PLCB3: variants seen among roughly 807,000 people sequenced by gnomAD.
The protein encoded by PLCB3 is phospholipase C beta 3.
PLCB3 carries 54 observed loss-of-function variants against 152.1 expected under a neutral mutation model. The observed-to-expected ratio is 0.36, with a 90% CI of 0.29 to 0.45. PLCB3 has a LOEUF of 0.45. Among genes scored for constraint, PLCB3 ranks in the 20% least tolerant of loss-of-function variants. PLCB3 has a pLI of 1.00. For synonymous variants in PLCB3, 717 were observed against 698.7 expected, an observed-to-expected ratio of 1.03 and a Z score of -0.41; for missense variants, 1,248 against 1,687.5, an observed-to-expected ratio of 0.74 and a Z score of 4.56.
rs772626853 is a variant in PLCB3, at chr11:64,261,958, C to G, written c.1920C>G (p.Asn640Lys). ...TKSPMEFVEYNKQQLSRIYPK... is the reference protein window; with the variant it reads ...TKSPMEFVEYKKQQLSRIYPK... ...CCCTGACCACCAATCTCAGATACAA[C>G]AAGCAGCAGCTCAGCCGCATCTACC... The change falls in exon 17 of 31, where the codon AAC (asparagine) becomes AAG (lysine). Residue 640 changes from asparagine to lysine, a missense_variant. This residue lies in a region of PLCB3 where 244 missense variants were observed against 424.4 expected (regional missense o/e 0.57). Coordinates refer to ENST00000279230, the MANE Select transcript of PLCB3 (RefSeq NM_000932.5). The G allele has an allele frequency of 6.2e-7, 1 of 1,614,020 alleles. No individual in the cohort carries two copies. Among genetic ancestry groups the G allele is most frequent in the Non-Finnish European group, 8.5e-7 (1 of 1,180,006 alleles).
At position 64,258,511 on chromosome 11, in the gene PLCB3, C is replaced by T. The variant is rs748890795; in HGVS notation, c.1051C>T (p.Arg351Cys). 6.2e-7 allele frequency: 1 copy of T among 1,613,660 alleles called. No individual in the cohort carries two copies. Among genetic ancestry groups the T allele is most frequent in the East Asian group, 2.2e-5 (1 of 44,880 alleles). The change falls in exon 11 of 31, where the codon CGC becomes TGC. Residue 351 changes from arginine to cysteine, a missense_variant. Arg to Cys is a radical substitution (Grantham distance 180). Transcript: ENST00000279230. The surrounding 1 kb of genome is among the most constrained non-coding windows in gnomAD (Gnocchi z 7.2). ...TGGGACCTCGTCGGTGGAGATGTAC[C>T]GCCAGGCACTACTATGGGGCTGCCG... ...LAGTSSVEMYRQALLWGCRCV... is the reference protein window; with the variant it reads ...LAGTSSVEMYCQALLWGCRCV...
chr11:64,263,662 A>T, intron 20 of PLCB3, 29 bp from the exon 21 acceptor site: 4 of 1,591,470 alleles, frequency 2.5e-6, no homozygotes, highest in Non-Finnish European at 3.4e-6. Flanking sequence ...CTGGCCCAGC[A>T]ACCCAACGTT....
intron 8 of PLCB3, among the ~76,000 whole-genome samples, chr11:64,256,094 TGAGGTCTGGAAGC>T (rs1278356215): frequency 6.6e-6 from 1 of 152,066 alleles, no homozygotes; most frequent in African/African-American, 2.4e-5. Flanking sequence ...AGGTGTGTTG[TGAGGTCTGGAAGC>T]GAGGGGTGGT....
At chr11:64,257,038 C>T (rs905976897) in intron 10 of PLCB3, among the ~76,000 whole-genome samples, 5 of 89,618 alleles carry the variant, frequency 5.6e-5, no homozygotes, top group Non-Finnish European at 1.1e-4. Context: ...GAGTTTCGCT[C>T]TTGTTGCCCA....
Position 64,265,069 on chromosome 11 carries a change from C to G in PLCB3, c.2771C>G (p.Thr924Ser). Residue 924 changes from threonine to serine, a missense_variant, in exon 23 of 31, where the codon ACC (threonine) becomes AGC (serine). Around this residue, in one of 6 missense-constraint regions of PLCB3, gnomAD observed 477 missense variants for 489.6 expected, o/e 0.97. Coordinates refer to ENST00000279230, the MANE Select transcript of PLCB3 (RefSeq NM_000932.5). ...DASPRRPPGP[T>S]TSPASTSLSS... ...TCCCCCCGCCGGCCCCCTGGCCCCA[C>G]CACCTCCCCTGCCAGCACCTCCCTC... 6.5e-7 allele frequency: 1 copy of G among 1,543,136 alleles called. No homozygotes were observed. The highest frequency in any genetic ancestry group is 2.2e-4 in the Middle Eastern group (1 of 4,596).
chr11:64,254,561 G>GCA, intron 2 of PLCB3, 69 bp downstream of exon 2: 1 of 1,495,988 alleles, frequency 6.7e-7, no homozygotes, highest in Non-Finnish European at 9.3e-7. Flanking sequence ...CCCTGCCCGT[G>GCA]GGGGTGGGGC....
chr11:64,257,332 G>A (rs1271803967), intron 10 of PLCB3, among the ~76,000 whole-genome samples: 1 of 152,070 alleles, frequency 6.6e-6, no homozygotes, highest in Non-Finnish European at 1.5e-5. Flanking sequence ...GGCTGGAAGG[G>A]GGTTGGGTGC....
At position 64,263,608 on chromosome 11, in the gene PLCB3, G is replaced by A. The variant is rs1432813834; in HGVS notation, c.2455+11G>A. ...CTGCCATCCGCTCCGGTGAGGCCTT[G>A]GTGGGCTCTGGGCAGCACAGCGGGC... On this transcript the variant is annotated intron_variant, in intron 20 of 30. Coordinates refer to ENST00000279230, the MANE Select transcript of PLCB3 (RefSeq NM_000932.5). 15 of 1,608,984 alleles carry A rather than the reference G, an allele frequency of 9.3e-6. No homozygotes were observed. Among genetic ancestry groups the A allele is most frequent in the Non-Finnish European group, 1.2e-5 (14 of 1,176,448 alleles).
At chr11:64,252,083 C>T (rs2135033598) in intron 1 of PLCB3, among the ~76,000 whole-genome samples, 1 of 152,252 alleles carries the variant, frequency 6.6e-6, no homozygotes, top group East Asian at 1.9e-4. Flanking sequence ...GTGCCCAGAC[C>T]CCTGCCCAGC....
rs1471250079 is a variant in PLCB3 at position 64,256,422 on chromosome 11, TTCA to T, written c.749_751del (p.Ile250del). On this transcript the variant is annotated inframe_deletion, in exon 9 of 31. Coordinates refer to ENST00000279230, the MANE Select transcript of PLCB3 (RefSeq NM_000932.5). ...CCTGACGCTGGAGCAGCTCATGGACTTCATCAACCAGAAGCAACGCGACCCGAG... is the reference window on the plus strand; with the variant it reads ...CCTGACGCTGGAGCAGCTCATGGACTTCAACCAGAAGCAACGCGACCCGAG... 1 of 1,613,736 alleles carries T rather than the reference TTCA, an allele frequency of 6.2e-7. No individual in the cohort carries two copies. The highest frequency in any genetic ancestry group is 8.5e-7 in the Non-Finnish European group (1 of 1,180,022).
Position 64,267,454 on chromosome 11 carries a change from C to CG in PLCB3, c.3606dup (p.Pro1203AlafsTer22). 6.4e-7 allele frequency: 1 copy of CG among 1,554,864 alleles called. No individual in the cohort carries two copies. On this transcript the variant is annotated frameshift_variant, in exon 31 of 31. Coordinates refer to ENST00000279230, the MANE Select transcript of PLCB3 (RefSeq NM_000932.5). LOFTEE classifies it high-confidence loss of function. The surrounding 1 kb of genome is among the most constrained non-coding windows in gnomAD (Gnocchi z 5.2). ...GCGAGATGCCGGAGGGGCTGGGGGA[C>CG]GGGCCTCTGGTGGCCTGTGCCAGCA...
chr11:64,259,619 T>G (rs2031737773), intron 13 of PLCB3, among the ~76,000 whole-genome samples: 1 of 151,970 alleles, frequency 6.6e-6, no homozygotes, highest in African/African-American at 2.4e-5. Context: ...TGGTTATCAT[T>G]TCAGCTGACC....
intron 17 of PLCB3, 61 bp downstream of exon 17, chr11:64,262,137 G>A (rs778485775): frequency 3.4e-5 from 55 of 1,603,564 alleles, no homozygotes; most frequent in Non-Finnish European, 4.3e-5. Context: ...TCTGACCCAC[G>A]ATCCTGCTGG....
chr11:64,262,351 C>T (rs1214012497), intron 17 of PLCB3, 56 bp from the exon 18 acceptor site: 3 of 1,588,104 alleles, frequency 1.9e-6, no homozygotes, highest in Admixed American at 1.7e-5. Context: ...CCATTCCCCA[C>T]ATGGCACCGT....
At position 64,259,164 on chromosome 11, in the gene PLCB3, G is replaced by T. The variant is rs1400270568; in HGVS notation, c.1445G>T (p.Gly482Val). Residue 482 changes from glycine to valine, a missense_variant, in exon 13 of 31, where the codon GGG (glycine) becomes GTG (valine). Transcript: ENST00000279230. ...RPSAGGPDSAGRKRPLEQSNS... is the reference protein window; with the variant it reads ...RPSAGGPDSAVRKRPLEQSNS... ...AGCGCAGGTGGCCCAGACAGCGCCG[G>T]GCGCAAGCGGCCCCTGGAGCAGAGC... The T allele has an allele frequency of 1.2e-6, 2 of 1,605,358 alleles. No homozygotes were observed. Among genetic ancestry groups the T allele is most frequent in the Non-Finnish European group, 1.7e-6 (2 of 1,176,536 alleles).
chr11:64,267,611 A>T lies in PLCB3; in HGVS notation c.*55A>T. 9.8e-5 allele frequency: 103 copies of T among 1,046,896 alleles called. No individual in the cohort carries two copies. The highest frequency in any genetic ancestry group is 1.4e-4 in the Non-Finnish European group (99 of 726,418). 64.9% of individuals were successfully genotyped at this position (1,046,896 alleles called of 1,614,324 possible). A position where few individuals can be genotyped will look rare whatever the true frequency, so the allele number is the denominator to read the frequency against. On this transcript the variant is annotated 3_prime_UTR_variant, in exon 31 of 31. Coordinates refer to ENST00000279230, the MANE Select transcript of PLCB3 (RefSeq NM_000932.5). The surrounding 1 kb of genome is among the most constrained non-coding windows in gnomAD (Gnocchi z 5.2). ...GGGCGGGCGCTGGGTGGAGGGCAGG[A>T]GGCAATGACACTAATGCTTTTTTTT...
chr11:64,253,860 C>A (rs555308689), intron 1 of PLCB3, among the ~76,000 whole-genome samples: 2 of 152,284 alleles, frequency 1.3e-5, no homozygotes, highest in East Asian at 3.9e-4. Flanking sequence ...GCTGTGAGGA[C>A]CCCGGCAGAT....
chr11:64,257,016 T>TTTG (rs1555061405), intron 10 of PLCB3, among the ~76,000 whole-genome samples: 1 of 120,688 alleles, frequency 8.3e-6, no homozygotes, highest in Non-Finnish European at 1.8e-5. Flanking sequence ...TTTTTTTTTT[T>TTTG]TTTTTGAGAC....
intron 2 of PLCB3, 101 bp from the exon 3 acceptor site, chr11:64,254,647 G>T (rs2031419508): frequency 1.4e-6 from 2 of 1,425,638 alleles, no homozygotes; most frequent in Admixed American, 1.7e-5. Flanking sequence ...TGGGGCTATA[G>T]CCAGGGGCTG....
Sources: allele counts gnomAD v4.1 joint callset (sites outside exome capture counted in the v4.1 genomes callset), GRCh38; gene constraint gnomAD v4.1.1; regional missense constraint gnomAD v4.1.1; non-coding constraint Gnocchi (gnomAD v3.1); transcripts MANE v1.5; gene names NCBI Gene and HGNC (gene_info 2026-07-23, HGNC 2026-07-21).